The following CNIH3 variants were observed in gnomAD, a reference collection of about 807,000 sequenced individuals.
CNIH3 encodes protein cornichon homolog 3.
A neutral mutation model predicts 24.1 loss-of-function variants in CNIH3; 14 were observed. The observed-to-expected ratio is 0.58, with a 90% CI of 0.38 to 0.91. CNIH3 has a LOEUF of 0.91. CNIH3 is among the 40% of genes least tolerant of loss of function. CNIH3 has a pLI of 0.00. For missense variants in CNIH3, 178 were observed against 196.8 expected, an observed-to-expected ratio of 0.90 and a Z score of 0.57; for synonymous variants, 68 against 73.8, an observed-to-expected ratio of 0.92 and a Z score of 0.40.
chr1:224,445,884 T>G (rs754301874), intron 1 of CNIH3, among the ~76,000 whole-genome samples: 10 of 152,216 alleles, frequency 6.6e-5, no homozygotes, highest in Non-Finnish European at 1.2e-4. Context: ...CGTTTTGCCT[T>G]TCATGTTTAT....
At chr1:224,594,545 C>T (rs1483373008) in intron 3 of CNIH3, among the ~76,000 whole-genome samples, 2 of 152,134 alleles carry the variant, frequency 1.3e-5, no homozygotes, top group Non-Finnish European at 2.9e-5. Flanking sequence ...CACACAGGAC[C>T]ACAAGGGAAA....
chr1:224,729,826 T>C (rs1024903978), intron 3 of CNIH3, among the ~76,000 whole-genome samples: 1 of 152,118 alleles, frequency 6.6e-6, no homozygotes, highest in East Asian at 1.9e-4. Context: ...CATCAGGCCT[T>C]TCTTGGTCAG....
At chr1:224,481,266 G>A (rs1254027895) in intron 1 of CNIH3, among the ~76,000 whole-genome samples, 2 of 152,220 alleles carry the variant, frequency 1.3e-5, no homozygotes, top group Non-Finnish European at 2.9e-5. Flanking sequence ...CAACATGTGG[G>A]AATTCAAGAT....
intron 1 of CNIH3, chr1:224,661,340 C>A: frequency 3.5e-6 from 1 of 287,190 alleles, no homozygotes; most frequent in South Asian, 4.2e-5. Context: ...TTGAAGTTGC[C>A]CATCCCACTA....
intron 1 of CNIH3, among the ~76,000 whole-genome samples, chr1:224,443,702 T>G (rs1014870730): frequency 1.4e-5 from 2 of 142,190 alleles, no homozygotes; most frequent in African/African-American, 5.0e-5. Flanking sequence ...GATATAGATA[T>G]ATATATATAT....
intron 4 of CNIH3, among the ~76,000 whole-genome samples, chr1:224,732,478 T>A (rs561526103): frequency 1.1e-4 from 17 of 152,104 alleles, no homozygotes; most frequent in Non-Finnish European, 2.1e-4. Flanking sequence ...GAGCTGGGTT[T>A]CATTTTCTGT....
intron 5 of CNIH3, among the ~76,000 whole-genome samples, chr1:224,737,249 G>C (rs1289129024): frequency 1.3e-5 from 2 of 152,066 alleles, no homozygotes; most frequent in Non-Finnish European, 2.9e-5. Context: ...GGAGGTCTTG[G>C]CAGCTCCTCT....
intron 3 of CNIH3, among the ~76,000 whole-genome samples, chr1:224,721,255 G>A (rs1212802216): frequency 6.6e-6 from 1 of 152,070 alleles, no homozygotes; most frequent in African/African-American, 2.4e-5. Context: ...CTCCAGCACC[G>A]GAATAAGGCT....
intron 1 of CNIH3, among the ~76,000 whole-genome samples, chr1:224,648,432 A>G (rs1330767701): frequency 1.3e-5 from 2 of 151,780 alleles, no homozygotes; most frequent in Non-Finnish European, 2.9e-5. Flanking sequence ...AAAAAAAAGA[A>G]AAGAAAATGG....
chr1:224,575,390 A>C, intron 4 of CNIH3: 1 of 1,088,184 alleles, frequency 9.2e-7, no homozygotes. Context: ...AGAGTTTTGA[A>C]GCTGTGGATG....
intron 1 of CNIH3, among the ~76,000 whole-genome samples, chr1:224,441,585 T>A (rs936430214): frequency 2.1e-4 from 32 of 152,228 alleles, no homozygotes; most frequent in Non-Finnish European, 8.8e-5. Context: ...ATCACAATAA[T>A]CAATGGTAAA....
intron 1 of CNIH3, among the ~76,000 whole-genome samples, chr1:224,508,813 G>A (rs969119227): frequency 1.4e-4 from 21 of 152,118 alleles, no homozygotes; most frequent in Admixed American, 5.9e-4. Context: ...CTGTATTCTA[G>A]CCAATGAGAC....
chr1:224,584,807 G>A (rs1681429361), intron 5 of CNIH3, among the ~76,000 whole-genome samples: 1 of 152,286 alleles, frequency 6.6e-6, no homozygotes, highest in Non-Finnish European at 1.5e-5. Flanking sequence ...CAGACTTAGT[G>A]TAAGATAAGA....
intron 3 of CNIH3, among the ~76,000 whole-genome samples, chr1:224,606,482 C>T (rs1333978695): frequency 6.6e-6 from 1 of 152,134 alleles, no homozygotes; most frequent in East Asian, 1.9e-4. Context: ...CCAGCTGCAT[C>T]TTCTCCTCTT....
At chr1:224,545,941 G>C (rs116319502) in intron 2 of CNIH3, among the ~76,000 whole-genome samples, 1 of 152,020 alleles carries the variant, frequency 6.6e-6, no homozygotes, top group Non-Finnish European at 1.5e-5. Context: ...GGTTTCTCCC[G>C]AGGCCCCTCT....
chr1:224,684,163 G>A lies in CNIH3; in HGVS notation c.151-633G>A, dbSNP rs763326114. On this transcript the variant is annotated intron_variant, in intron 2 of 5. Transcript: ENST00000272133. This position sits in a 1 kb window ranked among gnomAD's most constrained non-coding sequence, Gnocchi z 4.2. ...GGCAACGGCATTTAGTGCACGATGC[G>A]GGCATCATCACCTGCCCAGCCACGG... is the stretch of plus-strand genomic sequence containing the variant. Among the ~76,000 whole-genome samples the A allele has an allele frequency of 1.9e-4, 29 of 152,136 alleles. No individual in the cohort carries two copies. Among genetic ancestry groups the A allele is most frequent in the Admixed American group, 4.6e-4 (7 of 15,280 alleles).
chr1:224,710,567 T>A (rs533411601), intron 3 of CNIH3, among the ~76,000 whole-genome samples: 10 of 152,342 alleles, frequency 6.6e-5, no homozygotes, highest in African/African-American at 2.4e-4. Flanking sequence ...AGGTACTCTG[T>A]GACTTCCCCT....
chr1:224,621,959 ATGGT>A (rs1262268781), intron 1 of CNIH3, among the ~76,000 whole-genome samples: 1 of 151,986 alleles, frequency 6.6e-6, no homozygotes, highest in Non-Finnish European at 1.5e-5. Context: ...ATGAGATCTG[ATGGT>A]TTTATAAAGG....
At chr1:224,712,676 G>A (rs1004431480) in intron 3 of CNIH3, among the ~76,000 whole-genome samples, 3 of 152,324 alleles carry the variant, frequency 2.0e-5, no homozygotes, top group Middle Eastern at 3.4e-3. Flanking sequence ...TGTGCAAGAT[G>A]CAGGTGATAA....
Sources: allele counts gnomAD v4.1 joint callset (sites outside exome capture counted in the v4.1 genomes callset), GRCh38; gene constraint gnomAD v4.1.1; non-coding constraint Gnocchi (gnomAD v3.1); transcripts MANE v1.5; gene names NCBI Gene and HGNC (gene_info 2026-07-23, HGNC 2026-07-21).